The following ADGRV1 variants were observed in gnomAD, a reference collection of about 807,000 sequenced individuals.
ADGRV1 encodes the protein G-protein coupled receptor 98.
A neutral mutation model predicts 596.2 loss-of-function variants in ADGRV1; 359 were observed. The observed-to-expected ratio is 0.60, with a 90% CI of 0.55 to 0.66. The LOEUF (loss-of-function observed/expected upper bound fraction) is 0.66, where lower values mean the gene tolerates loss of function less well. Among genes scored for constraint, ADGRV1 ranks in the 30% least tolerant of loss-of-function variants. The pLI, the probability that ADGRV1 is intolerant of heterozygous loss-of-function variation, is 0.00. For synonymous variants in ADGRV1, 2,681 were observed against 2,679.2 expected, an observed-to-expected ratio of 1.00 and a Z score of -0.02; for missense variants, 7,274 against 7,575.6, an observed-to-expected ratio of 0.96 and a Z score of 1.48.
chr5:91,016,530 T>A (rs1000472082), intron 85 of ADGRV1, among the ~76,000 whole-genome samples: 1 of 151,978 alleles, frequency 6.6e-6, no homozygotes, highest in African/African-American at 2.4e-5. Flanking sequence ...CAATATTTCA[T>A]GAAAACCATT....
chr5:90,679,547 A>G lies in ADGRV1; in HGVS notation c.5444-2A>G. On this transcript the variant is annotated splice_acceptor_variant, in intron 25 of 89. Coordinates refer to ENST00000405460, the MANE Select transcript of ADGRV1 (RefSeq NM_032119.4). LOFTEE classifies it high-confidence loss of function. ...GTTGTGTCTCTGTGTCTCCTTGTGA[A>G]GTAGCTGAACTCTTTAGGGTTGATG... The G allele has an allele frequency of 1.2e-6, 2 of 1,611,022 alleles. No individual in the cohort carries two copies. Among genetic ancestry groups the G allele is most frequent in the Non-Finnish European group, 1.7e-6 (2 of 1,177,564 alleles).
chr5:91,032,050 G>A (rs571334179), intron 85 of ADGRV1, among the ~76,000 whole-genome samples: 1 of 152,336 alleles, frequency 6.6e-6, no homozygotes, highest in African/African-American at 2.4e-5. Flanking sequence ...TTTTAAAGAA[G>A]GTGGGCAGAA....
In ADGRV1 at chr5:90,720,689, AT is replaced by A. The variant is rs35432240; in HGVS notation, c.9624-239del. 5.9e-5 allele frequency among the ~76,000 whole-genome samples: 9 copies of A among 152,102 alleles called. No homozygotes were observed. In the South Asian group the frequency reaches 1.2e-3, roughly 21 times the overall value. ...CATTAATATGTTAATTTCCTGACTCATTTTTTTCCTATAAAGTGTTTTTGAT... is the reference window on the plus strand; with the variant it reads ...CATTAATATGTTAATTTCCTGACTCATTTTTTCCTATAAAGTGTTTTTGAT... On this transcript the variant is annotated intron_variant, in intron 44 of 89. Coordinates refer to ENST00000405460, the MANE Select transcript of ADGRV1 (RefSeq NM_032119.4).
chr5:91,151,834 A>C (rs996072696), intron 88 of ADGRV1, among the ~76,000 whole-genome samples: 1 of 152,210 alleles, frequency 6.6e-6, no homozygotes, highest in Admixed American at 6.5e-5. Flanking sequence ...TCAGTGCAGA[A>C]AGTTTTATTG....
At chr5:90,626,519 A>C (rs529107152) in intron 6 of ADGRV1, 9 of 152,104 alleles carry the variant, frequency 5.9e-5, no homozygotes, top group African/African-American at 2.2e-4. Flanking sequence ...TCTAAAATAG[A>C]GTTTATGGTG....
At chr5:90,813,361 G>A (rs1762627813) in intron 74 of ADGRV1, among the ~76,000 whole-genome samples, 1 of 152,002 alleles carries the variant, frequency 6.6e-6, no homozygotes, top group Non-Finnish European at 1.5e-5. Flanking sequence ...TCATGGGGAG[G>A]TCTTGTTGTC....
At chr5:90,787,477 C>A (rs1348358097) in intron 67 of ADGRV1, among the ~76,000 whole-genome samples, 2 of 151,596 alleles carry the variant, frequency 1.3e-5, no homozygotes, top group Admixed American at 1.3e-4. Flanking sequence ...TTCTCTAATA[C>A]GTATTTTAAT....
chr5:90,810,348 C>G lies in ADGRV1; in HGVS notation c.15088C>G (p.Leu5030Val), dbSNP rs781442605. ...TQMIRLHVQRLFGFHSDLIKV... is the reference protein window; with the variant it reads ...TQMIRLHVQRVFGFHSDLIKV... The stretch of plus-strand genomic sequence containing the variant: ...GATGATCAGATTACATGTACAAAGA[C>G]TATTTGGGTTCCACAGCGATCTTAT... The change falls in exon 74 of 90, where the codon CTA (leucine) becomes GTA (valine). Residue 5030 changes from leucine to valine, a missense_variant. Leu to Val is a conservative substitution (Grantham distance 32). This residue lies in a region of ADGRV1 where 1,874 missense variants were observed against 1,970.2 expected (regional missense o/e 0.95). Transcript: ENST00000405460. 6.2e-7 allele frequency: 1 copy of G among 1,613,318 alleles called. No individual in the cohort carries two copies. Among genetic ancestry groups the G allele is most frequent in the African/African-American group, 1.3e-5 (1 of 75,034 alleles).
At chr5:91,090,489 T>C (rs1020412539) in intron 86 of ADGRV1, among the ~76,000 whole-genome samples, 1 of 152,088 alleles carries the variant, frequency 6.6e-6, no homozygotes, top group Non-Finnish European at 1.5e-5. Flanking sequence ...AGGAGAGCCC[T>C]AAGTCAGCTC....
intron 75 of ADGRV1, among the ~76,000 whole-genome samples, chr5:90,820,429 AT>A (rs1460836206): frequency 1.3e-5 from 2 of 150,120 alleles, no homozygotes; most frequent in African/African-American, 4.9e-5. Flanking sequence ...TAAAGTTAAT[AT>A]TGTTATGTGT....
chr5:91,058,977 C>T (rs941258745), intron 85 of ADGRV1, among the ~76,000 whole-genome samples: 2 of 152,188 alleles, frequency 1.3e-5, no homozygotes, highest in Admixed American at 6.5e-5. Flanking sequence ...TACTGCACAG[C>T]ACTTTTCTCT....
chr5:91,104,451 C>T (rs968940555), intron 87 of ADGRV1, among the ~76,000 whole-genome samples: 7 of 152,162 alleles, frequency 4.6e-5, no homozygotes, highest in African/African-American at 1.7e-4. Context: ...GTTTCAATAT[C>T]CTCCTTCTAG....
At chr5:91,083,658 T>G (rs1789616837) in intron 86 of ADGRV1, among the ~76,000 whole-genome samples, 1 of 152,238 alleles carries the variant, frequency 6.6e-6, no homozygotes, top group South Asian at 2.1e-4. Flanking sequence ...ATAGCCTGCC[T>G]CATTAAGTAT....
At chr5:90,763,789 G>C (rs779836870) in intron 59 of ADGRV1, among the ~76,000 whole-genome samples, 2 of 152,094 alleles carry the variant, frequency 1.3e-5, no homozygotes, top group Non-Finnish European at 2.9e-5. Context: ...TTGATTTTCT[G>C]TTTCTGCATT....
rs1409922825 is a variant in ADGRV1, at chr5:90,805,366, A to G, written c.14744A>G (p.Tyr4915Cys). ...GTTATGATTTCTAGGAGAGGCACATATGGAGCTCTCTCGGTTGCCTGGACC... is the reference window on the plus strand; with the variant it reads ...GTTATGATTTCTAGGAGAGGCACATGTGGAGCTCTCTCGGTTGCCTGGACC... Reference protein sequence around the residue: ...SHVMISRRGTYGALSVAWTTG... With the variant: ...SHVMISRRGTCGALSVAWTTG... The change falls in exon 72 of 90, where the codon TAT becomes TGT. Residue 4915 changes from tyrosine to cysteine, a missense_variant. By Grantham distance (194) the Tyr-to-Cys change is radical (BLOSUM62 -2). Around this residue, in one of 5 missense-constraint regions of ADGRV1, gnomAD observed 1,874 missense variants for 1,970.2 expected, o/e 0.95. Coordinates refer to ENST00000405460, the MANE Select transcript of ADGRV1 (RefSeq NM_032119.4). The G allele has an allele frequency of 4.3e-6, 7 of 1,612,292 alleles. No homozygotes were observed. The highest frequency in any genetic ancestry group is 3.3e-5 in the South Asian group (3 of 90,870).
At chr5:90,636,181 G>T (rs1211916795) in intron 10 of ADGRV1, among the ~76,000 whole-genome samples, 1 of 151,782 alleles carries the variant, frequency 6.6e-6, no homozygotes, top group Non-Finnish European at 1.5e-5. Flanking sequence ...ACATGCCCTG[G>T]TTGAATTTTT....
chr5:91,009,945 A>T (rs1437238454), intron 85 of ADGRV1, among the ~76,000 whole-genome samples: 1 of 152,110 alleles, frequency 6.6e-6, no homozygotes, highest in Non-Finnish European at 1.5e-5. Flanking sequence ...GTGTTTCTTA[A>T]AACATCACAA....
chr5:90,877,189 G>A (rs1293112724), intron 83 of ADGRV1, among the ~76,000 whole-genome samples: 1 of 152,194 alleles, frequency 6.6e-6, no homozygotes, highest in African/African-American at 2.4e-5. Context: ...CATTAGTAAA[G>A]GCAGAGGAAT....
At chr5:90,691,199 G>A (rs1746423974) in intron 31 of ADGRV1, 158 bp downstream of exon 31, 1 of 934,484 alleles carries the variant, frequency 1.1e-6, no homozygotes, top group Non-Finnish European at 1.7e-6. Context: ...CCTTACAGTT[G>A]ACAAAAGCAG....
Sources: allele counts gnomAD v4.1 joint callset (sites outside exome capture counted in the v4.1 genomes callset), GRCh38; gene constraint gnomAD v4.1.1; regional missense constraint gnomAD v4.1.1; transcripts MANE v1.5; gene names NCBI Gene and HGNC (gene_info 2026-07-23, HGNC 2026-07-21).